Variants in NPSR1 observed in about 807,000 individuals in gnomAD.
NPSR1 encodes the protein neuropeptide S receptor.
In NPSR1, 48 loss-of-function variants were observed where a neutral mutation model predicts 46.9. The observed-to-expected ratio is 1.02, with a 90% CI of 0.81 to 1.30. The LOEUF (loss-of-function observed/expected upper bound fraction) is 1.30, where lower values mean the gene tolerates loss of function less well. Ranked by LOEUF, NPSR1 falls within the 50% of genes most tolerant of loss-of-function variation. NPSR1 has a pLI of 0.00. For missense variants in NPSR1, 450 were observed against 449.5 expected, an observed-to-expected ratio of 1.00 and a Z score of -0.01; for synonymous variants, 176 against 168.1, an observed-to-expected ratio of 1.05 and a Z score of -0.36.
intron 2 of NPSR1, among the ~76,000 whole-genome samples, 153 bp downstream of exon 2, chr7:34,684,837 T>C (rs1425825586): frequency 6.6e-6 from 1 of 152,220 alleles, no homozygotes; most frequent in Non-Finnish European, 1.5e-5. Context: ...ATTTGAATAT[T>C]TCCTCTGGCA....
chr7:34,807,434 A>G (rs772455688), intron 3 of NPSR1, among the ~76,000 whole-genome samples: 45 of 152,186 alleles, frequency 3.0e-4, no homozygotes, highest in Non-Finnish European at 5.1e-4. Context: ...CTTGTTACAT[A>G]TAACTTTGTG....
At chr7:34,753,560 CT>C (rs1247179020) in intron 2 of NPSR1, 2 of 152,062 alleles carry the variant, frequency 1.3e-5, no homozygotes, top group African/African-American at 4.8e-5. Context: ...ATGGTTACCC[CT>C]ATCCCAGGAG....
At chr7:34,751,797 A>ACAGATC in intron 2 of NPSR1, 1 of 1,585,970 alleles carries the variant, frequency 6.3e-7, no homozygotes. Flanking sequence ...ATATCTGGGC[A>ACAGATC]CAGATCACTG....
chr7:34,691,076 G>A (rs1314193056), intron 2 of NPSR1, among the ~76,000 whole-genome samples: 1 of 152,118 alleles, frequency 6.6e-6, no homozygotes, highest in Non-Finnish European at 1.5e-5. Flanking sequence ...CCTATTTTTA[G>A]CCTCCTTAAA....
intron 2 of NPSR1, among the ~76,000 whole-genome samples, chr7:34,697,463 T>C (rs918070787): frequency 6.6e-6 from 1 of 151,918 alleles, no homozygotes; most frequent in African/African-American, 2.4e-5. Flanking sequence ...CCAGTATCCA[T>C]GGAGGATTAG....
chr7:34,768,836 A>G (rs1234242102), intron 2 of NPSR1, among the ~76,000 whole-genome samples: 10 of 152,156 alleles, frequency 6.6e-5, no homozygotes, highest in African/African-American at 2.4e-4. Flanking sequence ...GATCTACTTA[A>G]TAAGGTAAAA....
chr7:34,791,194 G>A (rs867088303), intron 3 of NPSR1, among the ~76,000 whole-genome samples: 1 of 54,032 alleles, frequency 1.9e-5, no homozygotes, highest in Non-Finnish European at 3.3e-5. Flanking sequence ...TATGTTATAT[G>A]TTATATATTA....
At chr7:34,813,379 T>A (rs898325834) in intron 4 of NPSR1, among the ~76,000 whole-genome samples, 21 of 152,168 alleles carry the variant, frequency 1.4e-4, no homozygotes, top group Admixed American at 5.2e-4. Flanking sequence ...AGAGTGAAAG[T>A]AATTTGCCCA....
rs1208095432 is a variant in NPSR1 at position 34,759,621 on chromosome 7, C to T, written c.281-18841C>T. On this transcript the variant is annotated intron_variant, in intron 2 of 8. Transcript: ENST00000360581. ...CCATCTCCAATGAGCCAAGTAAAACCATGGCATATTTAAGAGAAAGGGCCA... is the reference window on the plus strand; with the variant it reads ...CCATCTCCAATGAGCCAAGTAAAACTATGGCATATTTAAGAGAAAGGGCCA... Among the ~76,000 whole-genome samples the T allele has an allele frequency of 7.1e-3, 1,083 of 152,268 alleles. 11 individuals carry two copies. The highest frequency in any genetic ancestry group is 0.025 in the African/African-American group (1,022 of 41,530).
intron 1 of NPSR1, among the ~76,000 whole-genome samples, chr7:34,670,935 G>C (rs1792018983): frequency 6.6e-6 from 1 of 152,082 alleles, no homozygotes; most frequent in African/African-American, 2.4e-5. Flanking sequence ...GAACAATTTA[G>C]TAATATACAG....
chr7:34,873,941 C>G (rs1791518509), intron 8 of NPSR1, among the ~76,000 whole-genome samples: 1 of 151,638 alleles, frequency 6.6e-6, no homozygotes, highest in Non-Finnish European at 1.5e-5. Flanking sequence ...TTATTGTCAG[C>G]CCCTAACTGA....
chr7:34,684,761 CA>C (rs11290993), intron 2 of NPSR1, 77 bp downstream of exon 2: 301,635 of 921,224 alleles, frequency 0.33, 21,047 homozygotes, highest in African/African-American at 0.54. Flanking sequence ...TGAATTTTAT[CA>C]AAAAAAAAAA....
chr7:34,875,291 T>C (rs960702811), intron 8 of NPSR1, among the ~76,000 whole-genome samples: 19 of 152,224 alleles, frequency 1.2e-4, no homozygotes, highest in Admixed American at 5.2e-4. Context: ...TTGGTCTTTC[T>C]TGGAAGCTTA....
At chr7:34,737,464 T>G (rs1784732243) in intron 2 of NPSR1, among the ~76,000 whole-genome samples, 2 of 152,216 alleles carry the variant, frequency 1.3e-5, no homozygotes, top group Admixed American at 1.3e-4. Flanking sequence ...CCATACTCAC[T>G]GTAGTCAATT....
At chr7:34,721,238 T>C (rs1482836479) in intron 2 of NPSR1, among the ~76,000 whole-genome samples, 1 of 152,096 alleles carries the variant, frequency 6.6e-6, no homozygotes, top group Non-Finnish European at 1.5e-5. Flanking sequence ...AAGACAAATT[T>C]GAGATGCATT....
intron 2 of NPSR1, chr7:34,758,413 GA>G (rs1351842425): frequency 2.6e-5 from 4 of 152,220 alleles, no homozygotes; most frequent in Non-Finnish European, 5.9e-5. Context: ...TGAACAAGAA[GA>G]AACTTGCTGA....
rs1789001194 is a variant in NPSR1, at chr7:34,811,833, ATCG to A, written c.451_453del (p.Val151del). The A allele has an allele frequency of 1.9e-6, 3 of 1,613,580 alleles. No individual in the cohort carries two copies. In the East Asian group the frequency reaches 6.7e-5, roughly 36 times the overall value. ...CCTCAGCATAGACAGATACCATGCCATCGTCTACCCCATGAAGTTCCTTCAAGG... is the reference window on the plus strand; with the variant it reads ...CCTCAGCATAGACAGATACCATGCCATCTACCCCATGAAGTTCCTTCAAGG... On this transcript the variant is annotated inframe_deletion, in exon 4 of 9. Coordinates refer to ENST00000360581, the MANE Select transcript of NPSR1 (RefSeq NM_207172.2).
chr7:34,781,343 G>C (rs1368007234), intron 3 of NPSR1, among the ~76,000 whole-genome samples: 2 of 152,168 alleles, frequency 1.3e-5, no homozygotes, highest in Non-Finnish European at 2.9e-5. Flanking sequence ...AGTATAGACA[G>C]CTATTCACAA....
intron 2 of NPSR1, among the ~76,000 whole-genome samples, chr7:34,737,232 C>G (rs1233335968): frequency 6.6e-6 from 1 of 152,154 alleles, no homozygotes; most frequent in Non-Finnish European, 1.5e-5. Context: ...TAGACACCAC[C>G]ACCTCTTACC....
Sources: gnomAD v4.1 joint callset for allele counts (sites outside exome capture counted in the v4.1 genomes callset) on GRCh38, gnomAD v4.1.1 for gene constraint, MANE v1.5 for transcripts, NCBI Gene and HGNC (gene_info 2026-07-23, HGNC 2026-07-21) for gene names.